PCDHGA4: variants seen among roughly 807,000 people sequenced by gnomAD.
The protein encoded by PCDHGA4 is protocadherin gamma-A4.
In PCDHGA4, 38 loss-of-function variants were observed where a neutral mutation model predicts 54.6. That is an observed-to-expected ratio of 0.70 (90% CI 0.54 to 0.91). The LOEUF is 0.91. Ranked by LOEUF, PCDHGA4 falls within the 40% of genes least tolerant of loss-of-function variation. The probability of loss-of-function intolerance (pLI) is 0.00; values close to 1 mark genes in which losing one functional copy is unlikely to be tolerated. For missense variants in PCDHGA4, 1,298 were observed against 1,220.9 expected (o/e 1.06, Z -0.94); for synonymous variants, 511 against 512.9 (o/e 1.00, Z 0.05).
chr5:141,427,982 G>T, intron 1 of PCDHGA4: 1 of 1,596,752 alleles, frequency 6.3e-7, no homozygotes, highest in African/African-American at 1.3e-5. Flanking sequence ...CCGCGCTGGG[G>T]CCCGATGGCT....
Position 141,485,048 on chromosome 5 carries a change from C to T in PCDHGA4, c.2515-9759C>T. ...AAACGGCGCGTAACCCTTGCGGCGC[C>T]GGCCGAACCGCGCCAGAGCTGGCGC... On this transcript the variant is annotated intron_variant, in intron 1 of 3. Transcript: ENST00000571252. The surrounding 1 kb of genome is among the most constrained non-coding windows in gnomAD (Gnocchi z 5.7). 1 of 770,392 alleles carries T rather than the reference C, an allele frequency of 1.3e-6. No individual in the cohort carries two copies. Among genetic ancestry groups the T allele is most frequent in the South Asian group, 1.7e-5 (1 of 58,120 alleles). 47.7% of individuals were successfully genotyped at this position (770,392 alleles called of 1,614,324 possible). A position where few individuals can be genotyped will look rare whatever the true frequency, so the allele number is the denominator to read the frequency against.
chr5:141,434,724 C>T (rs2097712360), intron 1 of PCDHGA4, among the ~76,000 whole-genome samples: 2 of 151,800 alleles, frequency 1.3e-5, no homozygotes, highest in Admixed American at 1.3e-4. Flanking sequence ...GTTCAGGGCT[C>T]TCAGCTCTGA....
intron 2 of PCDHGA4, among the ~76,000 whole-genome samples, chr5:141,500,416 A>G: frequency 6.6e-6 from 1 of 151,634 alleles, no homozygotes; most frequent in East Asian, 2.0e-4. Flanking sequence ...TCACCGTGTT[A>G]GCCAGGATGG....
Position 141,493,034 on chromosome 5 carries a change from G to A in PCDHGA4, c.2515-1773G>A, listed in dbSNP as rs75211372. 6.6e-6 allele frequency among the ~76,000 whole-genome samples: 1 copy of A among 152,230 alleles called. No homozygotes were observed. Among genetic ancestry groups the A allele is most frequent in the African/African-American group, 2.4e-5 (1 of 41,458 alleles). On this transcript the variant is annotated intron_variant, in intron 1 of 3. Transcript: ENST00000571252. This position sits in a 1 kb window ranked among gnomAD's most constrained non-coding sequence, Gnocchi z 4.3. ...GCCAGATGCCAGGGTGCCCTTATGTGTGAGGAAACTACAATAGTAAAAAAC... is the reference window on the plus strand; with the variant it reads ...GCCAGATGCCAGGGTGCCCTTATGTATGAGGAAACTACAATAGTAAAAAAC...
At chr5:141,422,926 GC>G in intron 1 of PCDHGA4, 1 of 1,614,230 alleles carries the variant, frequency 6.2e-7, no homozygotes, top group Non-Finnish European at 8.5e-7. Flanking sequence ...CCTGTACCCT[GC>G]CCTCCCCACA....
intron 1 of PCDHGA4, among the ~76,000 whole-genome samples, chr5:141,359,015 T>A (rs1389251705): frequency 6.6e-6 from 1 of 152,256 alleles, no homozygotes; most frequent in African/African-American, 2.4e-5. Flanking sequence ...TTAGTGTAAT[T>A]TGATAACTGG....
At chr5:141,403,972 A>G in intron 1 of PCDHGA4, 1 of 1,613,968 alleles carries the variant, frequency 6.2e-7, no homozygotes, top group East Asian at 2.2e-5. Flanking sequence ...TGGAAGATGT[A>G]AATGACAATA....
intron 1 of PCDHGA4, chr5:141,384,222 G>A: frequency 1.2e-6 from 2 of 1,613,868 alleles, no homozygotes; most frequent in South Asian, 2.2e-5. Context: ...TATTCATGCA[G>A]GTGGCAGACA....
At chr5:141,428,022 G>A (rs1439933482) in intron 1 of PCDHGA4, 11 of 1,605,558 alleles carry the variant, frequency 6.9e-6, no homozygotes, top group South Asian at 1.1e-5. Context: ...GCCACGCGCC[G>A]CAGAGTCCGG....
At chr5:141,364,319 A>G in intron 1 of PCDHGA4, 1 of 1,525,796 alleles carries the variant, frequency 6.6e-7, no homozygotes, top group Non-Finnish European at 8.8e-7. Context: ...AAAATTGGGC[A>G]GAGAGAAGGC....
chr5:141,486,816 C>G lies in PCDHGA4; in HGVS notation c.2515-7991C>G. The G allele has an allele frequency of 6.2e-7, 1 of 1,614,252 alleles. No individual in the cohort carries two copies. Among genetic ancestry groups the G allele is most frequent in the East Asian group, 2.2e-5 (1 of 44,884 alleles). ...CGGGGCAACCCACCCCTTAGCAGCACTGTAACAGTTCGTCTATTTGTGCTG... is the reference window on the plus strand; with the variant it reads ...CGGGGCAACCCACCCCTTAGCAGCAGTGTAACAGTTCGTCTATTTGTGCTG... On this transcript the variant is annotated intron_variant, in intron 1 of 3. Coordinates refer to ENST00000571252, the MANE Select transcript of PCDHGA4 (RefSeq NM_018917.4). The surrounding 1 kb of genome is among the most constrained non-coding windows in gnomAD (Gnocchi z 5.0).
At chr5:141,439,524 A>T (rs774174912) in intron 1 of PCDHGA4, among the ~76,000 whole-genome samples, 2 of 152,114 alleles carry the variant, frequency 1.3e-5, no homozygotes, top group Admixed American at 6.5e-5. Flanking sequence ...AACTAACTCT[A>T]CAGAACGCTG....
chr5:141,445,305 T>C (rs899306819), intron 1 of PCDHGA4, among the ~76,000 whole-genome samples: 2 of 152,204 alleles, frequency 1.3e-5, no homozygotes, highest in Non-Finnish European at 1.5e-5. Context: ...TCTCTTCAGT[T>C]TGTAGGTTGA....
intron 1 of PCDHGA4, among the ~76,000 whole-genome samples, chr5:141,457,620 A>G (rs2098925834): frequency 6.6e-6 from 1 of 152,234 alleles, no homozygotes; most frequent in Admixed American, 6.5e-5. Flanking sequence ...ATGAACTTTA[A>G]TCTTATACTT....
rs1181062763 is a variant in PCDHGA4 at position 141,356,150 on chromosome 5, T to C, written c.1043T>C (p.Ile348Thr). ...LDYEDSGFYD[I>T]DVEAHDGPGL... ...TATGAGGACTCTGGATTCTATGACATAGATGTAGAAGCCCATGATGGGCCT... is the reference window on the plus strand; with the variant it reads ...TATGAGGACTCTGGATTCTATGACACAGATGTAGAAGCCCATGATGGGCCT... The change falls in exon 1 of 4, where the codon ATA becomes ACA. Residue 348 changes from isoleucine (I) to threonine (T), a missense_variant. By Grantham distance (89) the Ile-to-Thr change is moderately conservative. Coordinates refer to ENST00000571252, the MANE Select transcript of PCDHGA4 (RefSeq NM_018917.4). 3 of 1,613,504 alleles carry C rather than the reference T, an allele frequency of 1.9e-6. No homozygotes were observed. Among genetic ancestry groups the C allele is most frequent in the Non-Finnish European group, 2.5e-6 (3 of 1,179,654 alleles).
chr5:141,355,311 G>C lies in PCDHGA4; in HGVS notation c.204G>C (p.Glu68Asp). 2 of 1,613,982 alleles carry C rather than the reference G, an allele frequency of 1.2e-6. No homozygotes were observed. Reference sequence around the variant, plus strand: ...AACAGATTCTCTACTCGGTGTTTGAGGAGCAGGAAGAAGGCTCAGTGGTGG... The same window carrying C: ...AACAGATTCTCTACTCGGTGTTTGACGAGCAGGAAGAAGGCTCAGTGGTGG... ...RAEQILYSVF[E>D]EQEEGSVVGN... Residue 68 changes from glutamate to aspartate, a missense_variant, in exon 1 of 4, where the codon GAG (glutamate) becomes GAC (aspartate). Coordinates refer to ENST00000571252, the MANE Select transcript of PCDHGA4 (RefSeq NM_018917.4).
At chr5:141,438,591 C>CATATATATATATAT (rs946798767) in intron 1 of PCDHGA4, among the ~76,000 whole-genome samples, 3 of 75,556 alleles carry the variant, frequency 4.0e-5, no homozygotes, top group Non-Finnish European at 8.0e-5. Context: ...TACATACATA[C>CATATATATATATAT]ATATATATAT....
At chr5:141,498,361 T>C (rs1256361883) in intron 2 of PCDHGA4, among the ~76,000 whole-genome samples, 1 of 151,460 alleles carries the variant, frequency 6.6e-6, no homozygotes, top group African/African-American at 2.4e-5. Flanking sequence ...GCAAAAGCCT[T>C]GTGGTGAGGC....
chr5:141,361,660 G>C (rs768286784), intron 1 of PCDHGA4: 22 of 1,613,628 alleles, frequency 1.4e-5, no homozygotes, highest in South Asian at 3.3e-5. Flanking sequence ...GTCCGTGAGC[G>C]CGCAGAGCGG....
Sources: allele counts gnomAD v4.1 joint callset (sites outside exome capture counted in the v4.1 genomes callset), GRCh38; gene constraint gnomAD v4.1.1; non-coding constraint Gnocchi (gnomAD v3.1); transcripts MANE v1.5; gene names NCBI Gene and HGNC (gene_info 2026-07-23, HGNC 2026-07-21).